The following GRXCR2 variants were observed in gnomAD, a reference collection of about 807,000 sequenced individuals.
GRXCR2 encodes the protein glutaredoxin domain-containing cysteine-rich protein 2.
In GRXCR2, 23 loss-of-function variants were observed where a neutral mutation model predicts 24.8. That is an observed-to-expected ratio of 0.93 (90% confidence interval 0.67 to 1.32). The LOEUF is 1.32. Among genes scored for constraint, GRXCR2 ranks in the 40% most tolerant of loss-of-function variants. The probability of loss-of-function intolerance (pLI) is 0.00; values close to 1 mark genes in which losing one functional copy is unlikely to be tolerated. For missense variants in GRXCR2, 315 were observed against 303.4 expected, an observed-to-expected ratio of 1.04 and a Z score of -0.28; for synonymous variants, 130 against 116.1, an observed-to-expected ratio of 1.12 and a Z score of -0.77.
At chr5:145,873,464 AG>A (rs1369026284), upstream of GRXCR2, among the ~76,000 whole-genome samples, 1 of 152,186 alleles carries the variant, frequency 6.6e-6, no homozygotes, top group Non-Finnish European at 1.5e-5. Flanking sequence ...TGTTTTACAC[AG>A]GGGAAAGTGA....
chr5:145,910,665 T>C lies in GRXCR2; in HGVS notation c.-70+25036A>G, dbSNP rs537221556. Among the ~76,000 whole-genome samples the C allele has an allele frequency of 2.0e-5, 3 of 152,324 alleles. No homozygotes were observed. The East Asian group carries it at 5.8e-4, about 29-fold the overall frequency. On this transcript the variant is annotated intron_variant, in intron 2 of 3. Transcript: ENST00000639411. ...ACATAGCTGTACCTCCTATCTGCAC[T>C]GTCATGGGGAAGACAACATAAAAGA...
intron 2 of GRXCR2, among the ~76,000 whole-genome samples, chr5:145,861,832 G>T (rs1219250457): frequency 2.6e-5 from 4 of 151,974 alleles, no homozygotes; most frequent in African/African-American, 9.7e-5. Flanking sequence ...CCCTGAAAAG[G>T]GAGGCATACG....
intron 2 of GRXCR2, among the ~76,000 whole-genome samples, chr5:145,861,306 C>G (rs769969795): frequency 3.9e-5 from 6 of 152,300 alleles, no homozygotes; most frequent in Middle Eastern, 3.4e-3. Context: ...CACTTGCCCT[C>G]CAGATAAAAC....
chr5:145,930,101 T>C (rs1757459565), intron 2 of GRXCR2, among the ~76,000 whole-genome samples: 1 of 146,130 alleles, frequency 6.8e-6, no homozygotes, highest in Non-Finnish European at 1.5e-5. Context: ...ACAATTTTTT[T>C]TGAGACAGAG....
intron 1 of GRXCR2, among the ~76,000 whole-genome samples, chr5:145,868,654 A>C (rs1446793070): frequency 6.6e-6 from 1 of 152,134 alleles, no homozygotes; most frequent in Admixed American, 6.5e-5. Context: ...GAAGCTTTTC[A>C]TCTCTAGAGC....
chr5:145,878,228 C>T (rs2569003), intron 2 of GRXCR2, among the ~76,000 whole-genome samples: 7,308 of 152,168 alleles, frequency 0.048, 531 homozygotes, highest in African/African-American at 0.16. Context: ...CTTCAGAAGG[C>T]TGGTAATAAC....
intron 2 of GRXCR2, among the ~76,000 whole-genome samples, chr5:145,886,352 G>T (rs1242775560): frequency 1.3e-5 from 2 of 152,170 alleles, no homozygotes; most frequent in African/African-American, 4.8e-5. Flanking sequence ...GCTGGCAGGG[G>T]TCTTTGCATC....
chr5:145,871,168 C>T (rs2569004), intron 1 of GRXCR2, among the ~76,000 whole-genome samples: 57,205 of 151,964 alleles, frequency 0.38, 11,991 homozygotes, highest in East Asian at 0.69. Flanking sequence ...TGTGGCCTTG[C>T]ATAAGGTTTG....
chr5:145,891,274 C>G (rs948857441), intron 2 of GRXCR2, among the ~76,000 whole-genome samples: 5 of 152,116 alleles, frequency 3.3e-5, no homozygotes, highest in Non-Finnish European at 5.9e-5. Context: ...TGGGGAATGT[C>G]AGACAGTGGG....
intron 2 of GRXCR2, among the ~76,000 whole-genome samples, chr5:145,862,822 C>A (rs1190825091): frequency 6.6e-6 from 1 of 152,192 alleles, no homozygotes; most frequent in Non-Finnish European, 1.5e-5. Context: ...CTCAGTTTCC[C>A]TAGCTGCAGA....
intron 2 of GRXCR2, among the ~76,000 whole-genome samples, chr5:145,882,218 T>C (rs1361778123): frequency 3.3e-5 from 5 of 152,184 alleles, no homozygotes; most frequent in Non-Finnish European, 7.4e-5. Context: ...GAAACTACCG[T>C]CAGAGTGAAC....
chr5:145,863,445 A>T (rs1756374326), intron 2 of GRXCR2, among the ~76,000 whole-genome samples: 1 of 152,214 alleles, frequency 6.6e-6, no homozygotes, highest in African/African-American at 2.4e-5. Context: ...CTCCAAATTG[A>T]ACTTAAAAGT....
chr5:145,884,188 G>C (rs1049004080), intron 2 of GRXCR2, among the ~76,000 whole-genome samples: 1 of 152,074 alleles, frequency 6.6e-6, no homozygotes, highest in African/African-American at 2.4e-5. Context: ...TTTACAAGAA[G>C]TACAGAGAAT....
intron 2 of GRXCR2, among the ~76,000 whole-genome samples, chr5:145,927,967 C>T (rs566974918): frequency 3.7e-3 from 559 of 152,176 alleles, no homozygotes; most frequent in African/African-American, 0.013. Flanking sequence ...AAACAGGCAA[C>T]CTACAGAATG....
At chr5:145,912,860 G>A (rs552147993) in intron 2 of GRXCR2, among the ~76,000 whole-genome samples, 2 of 152,200 alleles carry the variant, frequency 1.3e-5, no homozygotes, top group African/African-American at 2.4e-5. Context: ...CAGAAGTAGG[G>A]CCAGCTCATG....
intron 2 of GRXCR2, among the ~76,000 whole-genome samples, chr5:145,910,846 G>A (rs1757154832): frequency 6.6e-6 from 1 of 151,912 alleles, no homozygotes. Flanking sequence ...AAGTGTGTGT[G>A]TGTGTGTGTG....
intron 2 of GRXCR2, among the ~76,000 whole-genome samples, chr5:145,887,710 T>C (rs1473125942): frequency 6.6e-6 from 1 of 152,202 alleles, no homozygotes; most frequent in Non-Finnish European, 1.5e-5. Flanking sequence ...ACAGCACATT[T>C]GGGGGAACTG....
At chr5:145,910,877 CAT>C (rs1757155468) in intron 2 of GRXCR2, among the ~76,000 whole-genome samples, 1 of 151,104 alleles carries the variant, frequency 6.6e-6, no homozygotes, top group Admixed American at 6.6e-5. Context: ...CATGCACACA[CAT>C]GTGTGTACAA....
In GRXCR2 at chr5:145,893,535, A is replaced by C. The variant is rs547072548; in HGVS notation, c.-69-26807T>G. On this transcript the variant is annotated intron_variant, in intron 2 of 3. Transcript: ENST00000639411. ...CCAACAAAGGTCAAAAGAGACAAAGAAGGCCATTATATAATGGTGAATGGA... is the reference window on the plus strand; with the variant it reads ...CCAACAAAGGTCAAAAGAGACAAAGCAGGCCATTATATAATGGTGAATGGA... 3.9e-4 allele frequency among the ~76,000 whole-genome samples: 60 copies of C among 152,338 alleles called. 1 individual carries two copies. The highest frequency in any genetic ancestry group is 2.1e-4 in the Non-Finnish European group (14 of 68,028).
Sources: gnomAD v4.1 joint callset for allele counts (sites outside exome capture counted in the v4.1 genomes callset) on GRCh38, gnomAD v4.1.1 for gene constraint, MANE v1.5 for transcripts, NCBI Gene and HGNC (gene_info 2026-07-23, HGNC 2026-07-21) for gene names.